Variants in SYT1 observed in about 807,000 individuals in gnomAD.
SYT1 encodes synaptotagmin 1.
Under a neutral mutation model 44.8 loss-of-function variants are expected in SYT1, and 8 were observed. The ratio of observed to expected loss-of-function variants is 0.18; its 90% confidence interval spans 0.10 to 0.32. The LOEUF is 0.32. Ranked by LOEUF, SYT1 falls within the 10% of genes least tolerant of loss-of-function variation. The pLI is 1.00. For missense variants in SYT1, 286 were observed against 509.3 expected (o/e 0.56, Z 4.22); for synonymous variants, 154 against 188.8 (o/e 0.82, Z 1.51).
chr12:78,919,447 C>T (rs1028841651), intron 1 of SYT1, among the ~76,000 whole-genome samples: 47 of 152,186 alleles, frequency 3.1e-4, no homozygotes, highest in African/African-American at 1.0e-3. Flanking sequence ...ACTTGACAAT[C>T]GATCTGTGCC....
chr12:79,045,865 C>G (rs1874011301), intron 2 of SYT1: 1 of 152,144 alleles, frequency 6.6e-6, no homozygotes, highest in South Asian at 2.1e-4. Context: ...GTCAACTATT[C>G]TCTTATTTTT....
rs113273407 is a variant in SYT1 at position 79,378,930 on chromosome 12, C to T, written c.928+25311C>T. The stretch of plus-strand genomic sequence containing the variant: ...CAGAACTTAGGAAATTTATGGAAGA[C>T]GTGACAGTGACTTCCAAAATCGATA... On this transcript the variant is annotated intron_variant, in intron 9 of 10. Coordinates refer to ENST00000261205, the MANE Select transcript of SYT1 (RefSeq NM_005639.3). 8.6e-3 allele frequency among the ~76,000 whole-genome samples: 1,310 copies of T among 152,190 alleles called. 13 individuals are homozygous for T. Among genetic ancestry groups the T allele is most frequent in the African/African-American group, 0.024 (996 of 41,538 alleles).
intron 1 of SYT1, among the ~76,000 whole-genome samples, chr12:78,868,311 C>T (rs1873646928): frequency 1.3e-5 from 2 of 151,792 alleles, no homozygotes; most frequent in African/African-American, 2.4e-5. Context: ...AGACTTTCTG[C>T]CATTGTGTAA....
chr12:79,396,643 G>A (rs1443606029), intron 9 of SYT1, among the ~76,000 whole-genome samples: 1 of 152,052 alleles, frequency 6.6e-6, no homozygotes, highest in African/African-American at 2.4e-5. Context: ...CTAGGCTAAG[G>A]GGACATAATC....
intron 4 of SYT1, among the ~76,000 whole-genome samples, chr12:79,230,739 A>G (rs1218162146): frequency 6.6e-6 from 1 of 152,084 alleles, no homozygotes; most frequent in Non-Finnish European, 1.5e-5. Context: ...GGTAATACAG[A>G]GTAACAGTAA....
At chr12:78,894,060 T>C (rs1295862463) in intron 1 of SYT1, among the ~76,000 whole-genome samples, 1 of 150,380 alleles carries the variant, frequency 6.6e-6, no homozygotes, top group Non-Finnish European at 1.5e-5. Context: ...CATATTGCTT[T>C]TATAATTTTT....
chr12:79,249,536 CA>C (rs1666685015), intron 4 of SYT1, among the ~76,000 whole-genome samples: 1 of 152,164 alleles, frequency 6.6e-6, no homozygotes, highest in Non-Finnish European at 1.5e-5. Flanking sequence ...GCAGCCCAAT[CA>C]GGTAGTTAAA....
intron 4 of SYT1, among the ~76,000 whole-genome samples, chr12:79,238,333 A>G (rs997474697): frequency 3.9e-5 from 6 of 152,236 alleles, no homozygotes; most frequent in African/African-American, 1.4e-4. Flanking sequence ...TTAAAGAAAT[A>G]GCTAGACATA....
chr12:78,866,154 T>G (rs1873532834), intron 1 of SYT1, among the ~76,000 whole-genome samples: 1 of 152,210 alleles, frequency 6.6e-6, no homozygotes, highest in Non-Finnish European at 1.5e-5. Flanking sequence ...CTGTTTAACT[T>G]TTGTATGGAA....
intron 4 of SYT1, among the ~76,000 whole-genome samples, chr12:79,279,405 C>T (rs779444877): frequency 3.9e-5 from 6 of 152,002 alleles, no homozygotes; most frequent in Non-Finnish European, 8.8e-5. Context: ...ACCATATGAT[C>T]GTATCAATAG....
At position 79,152,443 on chromosome 12, in the gene SYT1, G is replaced by A. The variant is rs557395027; in HGVS notation, c.-17-65060G>A. On this transcript the variant is annotated intron_variant, in intron 3 of 10. Transcript: ENST00000261205. ...ATCGTTTTGCACTTTGTATAGGGCAGTTAGAAGTGGAAGAAAAGTGCCAGC... is the reference window on the plus strand; with the variant it reads ...ATCGTTTTGCACTTTGTATAGGGCAATTAGAAGTGGAAGAAAAGTGCCAGC... 9.2e-4 allele frequency among the ~76,000 whole-genome samples: 140 copies of A among 152,272 alleles called. No homozygotes were observed. The South Asian group carries it at 0.011, about 12-fold the overall frequency.
At chr12:78,984,203 A>G (rs1869483372) in intron 2 of SYT1, among the ~76,000 whole-genome samples, 1 of 151,908 alleles carries the variant, frequency 6.6e-6, no homozygotes, top group Non-Finnish European at 1.5e-5. Flanking sequence ...ACTTCTCAAA[A>G]CAATTACAGC....
At chr12:78,960,007 T>C (rs1025118999) in intron 1 of SYT1, among the ~76,000 whole-genome samples, 4 of 152,326 alleles carry the variant, frequency 2.6e-5, no homozygotes, top group South Asian at 4.1e-4. Flanking sequence ...TCCAGAACTG[T>C]TTTAAAATGT....
In SYT1 at chr12:79,117,931, C is replaced by T. The variant is rs116305949; in HGVS notation, c.-18+70569C>T. Among the ~76,000 whole-genome samples the T allele has an allele frequency of 9.1e-3, 1,383 of 151,284 alleles. 27 individuals carry two copies. Among genetic ancestry groups the T allele is most frequent in the African/African-American group, 0.032 (1,314 of 41,222 alleles). On this transcript the variant is annotated intron_variant, in intron 3 of 10. Coordinates refer to ENST00000261205, the MANE Select transcript of SYT1 (RefSeq NM_005639.3). The stretch of plus-strand genomic sequence containing the variant: ...AGAGCCTAAATGTTCAGAAATTTTC[C>T]ACAAATGGCTATCATCAATTTAAAA...
intron 4 of SYT1, among the ~76,000 whole-genome samples, chr12:79,221,508 G>A (rs1397327279): frequency 6.6e-6 from 1 of 151,886 alleles, no homozygotes; most frequent in Non-Finnish European, 1.5e-5. Flanking sequence ...CTTCCCTTGT[G>A]GCTAAATGAT....
chr12:79,431,040 A>C (rs1194485692), intron 9 of SYT1, among the ~76,000 whole-genome samples: 13 of 152,226 alleles, frequency 8.5e-5, no homozygotes, highest in Non-Finnish European at 1.9e-4. Flanking sequence ...ATATCAAGAA[A>C]ACTGGAATCA....
At chr12:79,026,665 T>TTTTA (rs1413256232) in intron 2 of SYT1, among the ~76,000 whole-genome samples, 50 of 67,404 alleles carry the variant, frequency 7.4e-4, no homozygotes, top group African/African-American at 2.7e-3. Flanking sequence ...TACATATATA[T>TTTTA]TTTATATATA....
intron 2 of SYT1, among the ~76,000 whole-genome samples, chr12:79,005,761 G>A (rs1415659216): frequency 6.6e-6 from 1 of 152,166 alleles, no homozygotes; most frequent in African/African-American, 2.4e-5. Context: ...AATTAAAATT[G>A]TCAGAGTTCC....
At chr12:79,012,980 C>G (rs534045460) in intron 2 of SYT1, among the ~76,000 whole-genome samples, 1 of 152,172 alleles carries the variant, frequency 6.6e-6, no homozygotes, top group Non-Finnish European at 1.5e-5. Flanking sequence ...CCCCTCCTCC[C>G]ATGCAGTCCC....
Sources: gnomAD v4.1 joint callset for allele counts (sites outside exome capture counted in the v4.1 genomes callset) on GRCh38, gnomAD v4.1.1 for gene constraint, MANE v1.5 for transcripts, NCBI Gene and HGNC (gene_info 2026-07-23, HGNC 2026-07-21) for gene names.